Variants in CAPN5 observed in about 807,000 individuals in gnomAD.
CAPN5 encodes calpain 5, also known as calpain-5.
CAPN5 carries 54 observed loss-of-function variants against 73.0 expected under a neutral mutation model. The observed-to-expected ratio is 0.74, with a 90% CI of 0.59 to 0.93. CAPN5 has a LOEUF of 0.93. CAPN5 is among the 40% of genes least tolerant of loss of function. CAPN5 has a pLI of 0.00. For missense variants in CAPN5, 785 were observed against 882.9 expected (o/e 0.89, Z 1.41); for synonymous variants, 335 against 356.9 (o/e 0.94, Z 0.69).
At chr11:77,071,680 C>A (rs532124354) in intron 1 of CAPN5, 1 of 450,986 alleles carries the variant, frequency 2.2e-6, no homozygotes, top group Non-Finnish European at 4.5e-6. Flanking sequence ...CATCTGAGGA[C>A]GGGTATGTGG....
chr11:77,115,483 G>T lies in CAPN5; in HGVS notation c.788G>T (p.Arg263Leu). Reference protein sequence around the residue: ...AYAVTDVRKVRLGHGLLAFFK... With the variant: ...AYAVTDVRKVLLGHGLLAFFK... ...GCCGTCACTGATGTGCGCAAGGTGC[G>T]CCTGGGCCACGGCCTACTGGCCTTC... Residue 263 changes from arginine (R) to leucine (L), a missense_variant, in exon 6 of 13, where the codon CGC becomes CTC. Coordinates refer to ENST00000648180, the MANE Select transcript of CAPN5 (RefSeq NM_004055.5). The T allele has an allele frequency of 6.2e-7, 1 of 1,613,290 alleles. No homozygotes were observed. Among genetic ancestry groups the T allele is most frequent in the Non-Finnish European group, 8.5e-7 (1 of 1,179,958 alleles).
chr11:77,123,687 G>C lies in CAPN5; in HGVS notation c.1741-1G>C. The C allele has an allele frequency of 6.2e-7, 1 of 1,612,918 alleles. No homozygotes were observed. Among genetic ancestry groups the C allele is most frequent in the Non-Finnish European group, 8.5e-7 (1 of 1,179,446 alleles). On this transcript the variant is annotated splice_acceptor_variant, in intron 12 of 12. Coordinates refer to ENST00000648180, the MANE Select transcript of CAPN5 (RefSeq NM_004055.5). LOFTEE classifies it high-confidence loss of function. ...TCCCATGATCCTCTGTCTCTTCCCA[G>C]GTCTGGAACCACCGAGTGCTGAAGG...
Position 77,125,771 on chromosome 11 carries a change from G to C in CAPN5, c.*1901G>C, listed in dbSNP as rs1950569755. On this transcript the variant is annotated 3_prime_UTR_variant, in exon 13 of 13. Coordinates refer to ENST00000648180, the MANE Select transcript of CAPN5 (RefSeq NM_004055.5). The stretch of plus-strand genomic sequence containing the variant: ...CAGCCATGTCCCCTGGGATACAGGG[G>C]CACACCAGGACCAAGTGGCAGACCT... The C allele has an allele frequency of 6.6e-6, 1 of 152,426 alleles. No individual in the cohort carries two copies. The highest frequency in any genetic ancestry group is 2.4e-5 in the African/African-American group (1 of 41,394). The allele number at this position is 152,426 out of a possible 1,614,324, so 9.4% of individuals were successfully genotyped here. A position where few individuals can be genotyped will look rare whatever the true frequency, so the allele number is the denominator to read the frequency against.
At chr11:77,103,514 C>T (rs1285182921) in intron 3 of CAPN5, among the ~76,000 whole-genome samples, 1 of 152,128 alleles carries the variant, frequency 6.6e-6, no homozygotes, top group African/African-American at 2.4e-5. Context: ...CACTCCAGCT[C>T]ACAGGAAGAA....
At chr11:77,081,385 C>A (rs7926553) in intron 1 of CAPN5, among the ~76,000 whole-genome samples, 78,858 of 152,038 alleles carry the variant, frequency 0.52, 21,741 homozygotes, top group Middle Eastern at 0.65. Flanking sequence ...ACACATACTT[C>A]ATTTGGCCTT....
At chr11:77,077,017 C>T (rs538806508) in intron 1 of CAPN5, among the ~76,000 whole-genome samples, 3 of 152,336 alleles carry the variant, frequency 2.0e-5, no homozygotes, top group East Asian at 3.9e-4. Context: ...TCCATATCCT[C>T]GCCCACACTT....
At chr11:77,076,215 A>G (rs1340037661) in intron 1 of CAPN5, among the ~76,000 whole-genome samples, 1 of 152,152 alleles carries the variant, frequency 6.6e-6, no homozygotes, top group African/African-American at 2.4e-5. Context: ...TACAAAAATT[A>G]TCTGAGACTA....
At chr11:77,069,846 G>A (rs891404227) in intron 1 of CAPN5, among the ~76,000 whole-genome samples, 5 of 152,280 alleles carry the variant, frequency 3.3e-5, no homozygotes, top group African/African-American at 2.4e-5. Context: ...TGGGCTCACC[G>A]TGGTCCTGAG....
rs1220818574 is a variant in CAPN5, at chr11:77,087,055, G to GCC, written c.165+2005_165+2006insCC. ...TGGATGTGGGGGCAGGTGACAGAGA[G>GCC]CGTATGGTGGCTGGTGTTCAGAGAG... On this transcript the variant is annotated intron_variant, in intron 2 of 12. Transcript: ENST00000648180. 3.8e-3 allele frequency among the ~76,000 whole-genome samples: 584 copies of GCC among 152,362 alleles called. 5 individuals carry two copies. Among genetic ancestry groups the GCC allele is most frequent in the African/African-American group, 0.013 (558 of 41,576 alleles).
chr11:77,108,452 G>A (rs1441823838), intron 3 of CAPN5, among the ~76,000 whole-genome samples: 2 of 152,192 alleles, frequency 1.3e-5, no homozygotes, highest in Non-Finnish European at 2.9e-5. Context: ...GTGTTTGGTG[G>A]TTGTGGTAGA....
intron 1 of CAPN5, 52 bp from the exon 2 acceptor site, chr11:77,084,800 A>G (rs1259366494): frequency 1.3e-6 from 2 of 1,534,448 alleles, no homozygotes; most frequent in South Asian, 1.1e-5. Flanking sequence ...CACAGGGCAC[A>G]TCAGGGACCC....
chr11:77,099,763 C>CGGAGAGGGAGAG lies in CAPN5; in HGVS notation c.297+5967_297+5978dup, dbSNP rs782664114. On this transcript the variant is annotated intron_variant, in intron 3 of 12. Transcript: ENST00000648180. ...AGGGAGAGGGAGACGGAGAGGGAGA[C>CGGAGAGGGAGAG]GGAGAGGGAGAGGGAGAGGGAGAGG... Among the ~76,000 whole-genome samples the CGGAGAGGGAGAG allele has an allele frequency of 7.1e-5, 10 of 139,872 alleles. No homozygotes were observed. In the East Asian group the frequency reaches 2.2e-3, roughly 30 times the overall value. The allele number at this position is 139,872 out of a possible 152,430, so 91.8% of individuals were successfully genotyped here.
At chr11:77,104,000 G>C (rs946384961) in intron 3 of CAPN5, among the ~76,000 whole-genome samples, 1 of 152,212 alleles carries the variant, frequency 6.6e-6, no homozygotes, top group African/African-American at 2.4e-5. Flanking sequence ...GTTACACAGA[G>C]ATCTGTCTCT....
At chr11:77,116,338 A>AG (rs1408005851) in intron 7 of CAPN5, 35 bp downstream of exon 7, 39 of 1,574,584 alleles carry the variant, frequency 2.5e-5, no homozygotes, top group Non-Finnish European at 3.1e-5. Flanking sequence ...TCCGGGGCTG[A>AG]GGGGGCTTCC....
chr11:77,106,177 G>A (rs1555039821), intron 3 of CAPN5, among the ~76,000 whole-genome samples: 5 of 152,044 alleles, frequency 3.3e-5, no homozygotes, highest in Non-Finnish European at 5.9e-5. Context: ...CCCCTTTCAT[G>A]CCCGCCTCAG....
At chr11:77,095,059 C>G (rs1159282547) in intron 3 of CAPN5, among the ~76,000 whole-genome samples, 5 of 152,200 alleles carry the variant, frequency 3.3e-5, no homozygotes, top group African/African-American at 1.2e-4. Context: ...CCCCAGTAGT[C>G]CTGCAGGGTA....
chr11:77,071,185 C>T (rs1565252896), intron 1 of CAPN5, among the ~76,000 whole-genome samples: 2 of 152,198 alleles, frequency 1.3e-5, no homozygotes, highest in Non-Finnish European at 2.9e-5. Flanking sequence ...GTCCTGTTTC[C>T]CCCAGGAGGT....
chr11:77,106,841 G>A (rs1457883449), intron 3 of CAPN5, among the ~76,000 whole-genome samples: 1 of 152,240 alleles, frequency 6.6e-6, no homozygotes, highest in East Asian at 1.9e-4. Flanking sequence ...GCAGGCGCAG[G>A]GCGGAGGGGT....
chr11:77,108,635 A>G (rs1188060988), intron 3 of CAPN5, among the ~76,000 whole-genome samples: 2 of 152,004 alleles, frequency 1.3e-5, no homozygotes, highest in Admixed American at 6.6e-5. Flanking sequence ...TTGCCAGCCT[A>G]TGGCTAGTCT....
Sources: allele counts gnomAD v4.1 joint callset (sites outside exome capture counted in the v4.1 genomes callset), GRCh38; gene constraint gnomAD v4.1.1; transcripts MANE v1.5; gene names NCBI Gene and HGNC (gene_info 2026-07-23, HGNC 2026-07-21).